TBC1D5: variants seen among roughly 807,000 people sequenced by gnomAD.
TBC1D5 encodes TBC1 domain family member 5.
A neutral mutation model predicts 100.3 loss-of-function variants in TBC1D5; 75 were observed. The ratio of observed to expected loss-of-function variants is 0.75; its 90% confidence interval spans 0.62 to 0.91. The LOEUF is 0.91. TBC1D5 is among the 40% of genes least tolerant of loss of function. The pLI, the probability that TBC1D5 is intolerant of heterozygous loss-of-function variation, is 0.00. For synonymous variants in TBC1D5, 323 were observed against 325.6 expected (o/e 0.99, Z 0.09); for missense variants, 910 against 942.4 (o/e 0.97, Z 0.45).
intron 1 of TBC1D5, among the ~76,000 whole-genome samples, chr3:17,708,387 T>C (rs2074385797): frequency 6.6e-6 from 1 of 152,230 alleles, no homozygotes; most frequent in South Asian, 2.1e-4. Flanking sequence ...ATTTAGGTTA[T>C]TTCTAATTTT....
chr3:17,619,455 T>C (rs1007017623), intron 2 of TBC1D5, among the ~76,000 whole-genome samples: 4 of 152,042 alleles, frequency 2.6e-5, no homozygotes, highest in African/African-American at 9.7e-5. Flanking sequence ...AATCCAGAAA[T>C]AAATTCCACT....
chr3:17,463,124 A>G (rs781000704), intron 3 of TBC1D5, among the ~76,000 whole-genome samples: 9 of 152,232 alleles, frequency 5.9e-5, no homozygotes, highest in Non-Finnish European at 1.0e-4. Flanking sequence ...ATCCTGCTGT[A>G]CTACTATTCT....
At chr3:17,247,988 ATT>A (rs201892029) in intron 16 of TBC1D5, among the ~76,000 whole-genome samples, 117 of 141,188 alleles carry the variant, frequency 8.3e-4, no homozygotes, top group African/African-American at 2.6e-3. Flanking sequence ...TCCTCCACTA[ATT>A]TTTTTTTTTT....
chr3:17,460,875 C>T (rs1313822713), intron 3 of TBC1D5, among the ~76,000 whole-genome samples: 2 of 151,940 alleles, frequency 1.3e-5, no homozygotes, highest in African/African-American at 2.4e-5. Flanking sequence ...AAGATTCAAT[C>T]TTTTGATTAA....
chr3:17,616,273 T>A (rs2062146038), intron 2 of TBC1D5, among the ~76,000 whole-genome samples: 1 of 152,240 alleles, frequency 6.6e-6, no homozygotes, highest in Non-Finnish European at 1.5e-5. Flanking sequence ...TGATTTATGT[T>A]CTTTTACATT....
At position 17,495,814 on chromosome 3, in the gene TBC1D5, C is replaced by T. The variant is rs905607873; in HGVS notation, c.97+12660G>A. ...TTTTAAAATTCTGCACCATTACATTCCTCTCCATAAGGGTGATAAGTTAGG... is the reference window on the plus strand; with the variant it reads ...TTTTAAAATTCTGCACCATTACATTTCTCTCCATAAGGGTGATAAGTTAGG... On this transcript the variant is annotated intron_variant, in intron 3 of 21. Coordinates refer to ENST00000253692, the Ensembl canonical transcript of TBC1D5. Among the ~76,000 whole-genome samples the T allele has an allele frequency of 2.0e-5, 3 of 152,172 alleles. No homozygotes were observed. In the South Asian group the frequency reaches 6.2e-4, roughly 32 times the overall value.
chr3:17,455,504 G>T (rs939867079), intron 3 of TBC1D5, among the ~76,000 whole-genome samples: 1 of 117,144 alleles, frequency 8.5e-6, no homozygotes, highest in African/African-American at 4.1e-5. Flanking sequence ...ATATATATAT[G>T]TGTGTGTGTA....
chr3:17,564,973 A>G (rs116043448), intron 2 of TBC1D5, among the ~76,000 whole-genome samples: 4,086 of 151,418 alleles, frequency 0.027, 76 homozygotes, highest in Middle Eastern at 0.048. Flanking sequence ...ATGAAAGTTG[A>G]GAACTCTAAA....
chr3:17,732,925 T>C (rs2076684086), intron 1 of TBC1D5, among the ~76,000 whole-genome samples: 1 of 152,192 alleles, frequency 6.6e-6, no homozygotes, highest in South Asian at 2.1e-4. Context: ...TGAAATTTTG[T>C]AGTAGTTTTG....
chr3:17,222,673 G>C (rs1398342854), intron 17 of TBC1D5, among the ~76,000 whole-genome samples: 1 of 151,710 alleles, frequency 6.6e-6, no homozygotes, highest in East Asian at 1.9e-4. Flanking sequence ...AAGTTTCCTT[G>C]AAGTTTTGTA....
chr3:17,208,975 G>T (rs2072598825), intron 18 of TBC1D5, among the ~76,000 whole-genome samples: 1 of 152,138 alleles, frequency 6.6e-6, no homozygotes, highest in African/African-American at 2.4e-5. Flanking sequence ...ACTTACATAA[G>T]TGTTAATAGA....
chr3:17,291,150 C>T (rs974100909), intron 15 of TBC1D5, among the ~76,000 whole-genome samples: 8 of 152,206 alleles, frequency 5.3e-5, no homozygotes, highest in African/African-American at 1.9e-4. Context: ...CCATCCAATG[C>T]CTGGCATTCT....
At chr3:17,632,085 T>C (rs1319625062) in intron 1 of TBC1D5, among the ~76,000 whole-genome samples, 1 of 152,202 alleles carries the variant, frequency 6.6e-6, no homozygotes, top group East Asian at 1.9e-4. Flanking sequence ...TTCATCATTC[T>C]AAATCCCACA....
At chr3:17,491,332 A>G (rs374550553) in intron 3 of TBC1D5, among the ~76,000 whole-genome samples, 4 of 152,162 alleles carry the variant, frequency 2.6e-5, no homozygotes, top group African/African-American at 9.7e-5. Context: ...CTCTGGCCAG[A>G]ACTTTCAATA....
At chr3:17,444,065 A>G (rs935606075) in intron 3 of TBC1D5, among the ~76,000 whole-genome samples, 2 of 152,194 alleles carry the variant, frequency 1.3e-5, no homozygotes, top group Non-Finnish European at 2.9e-5. Flanking sequence ...GAATAAATGT[A>G]AAAATTACCT....
exon 5 of TBC1D5, chr3:17,406,432 T>A (rs1348493101): frequency 6.2e-7 from 1 of 1,608,908 alleles, no homozygotes; most frequent in Admixed American, 1.7e-5. Context: ...CAGCAAATGC[T>A]GCGGAACCTG....
intron 1 of TBC1D5, among the ~76,000 whole-genome samples, chr3:17,677,552 T>C (rs191338008): frequency 2.6e-5 from 4 of 152,204 alleles, no homozygotes; most frequent in African/African-American, 7.2e-5. Flanking sequence ...TTGGTGGGAC[T>C]GTAAACTAGT....
At chr3:17,386,778 T>C (rs1211439719) in intron 8 of TBC1D5, among the ~76,000 whole-genome samples, 1 of 152,166 alleles carries the variant, frequency 6.6e-6, no homozygotes, top group Non-Finnish European at 1.5e-5. Flanking sequence ...GAATCGTTCA[T>C]TGCTCAATTA....
chr3:17,692,123 C>T (rs1385203080), intron 1 of TBC1D5, among the ~76,000 whole-genome samples: 4 of 151,968 alleles, frequency 2.6e-5, no homozygotes, highest in African/African-American at 7.2e-5. Context: ...GATGAGGCCT[C>T]GTTCTGTCAC....
Sources: allele counts gnomAD v4.1 joint callset (sites outside exome capture counted in the v4.1 genomes callset), GRCh38; gene constraint gnomAD v4.1.1; transcripts MANE v1.5; gene names NCBI Gene and HGNC (gene_info 2026-07-23, HGNC 2026-07-21).